Variants in GPHN observed in about 807,000 individuals in gnomAD.
The protein encoded by GPHN is gephyrin.
Under a neutral mutation model 95.5 loss-of-function variants are expected in GPHN, and 17 were observed. That is an observed-to-expected ratio of 0.18 (90% CI 0.12 to 0.27). The LOEUF (loss-of-function observed/expected upper bound fraction) is 0.27. Ranked by LOEUF, GPHN falls within the 10% of genes least tolerant of loss-of-function variation. The probability of loss-of-function intolerance (pLI) is 1.00; values close to 1 mark genes in which losing one functional copy is unlikely to be tolerated. For synonymous variants in GPHN, 320 were observed against 322.5 expected (o/e 0.99, Z 0.08); for missense variants, 660 against 978.1 (o/e 0.67, Z 4.34).
the GPHN span, among the ~76,000 whole-genome samples, chr14:67,502,545 G>A: frequency 6.2e-5 from 9 of 145,888 alleles, no homozygotes; most frequent in Middle Eastern, 4.4e-3. Flanking sequence ...CTCCGCCTCC[G>A]AGATTCAAGC....
intron 16 of GPHN, among the ~76,000 whole-genome samples, chr14:67,113,396 T>C (rs1465722435): frequency 6.6e-6 from 1 of 152,254 alleles, no homozygotes; most frequent in Non-Finnish European, 1.5e-5. Context: ...AATGTTCTCT[T>C]CTATTAGAAT....
At chr14:67,292,615 G>C in the GPHN span, 2 of 1,613,454 alleles carry the variant, frequency 1.2e-6, no homozygotes, top group Non-Finnish European at 1.7e-6. Context: ...TCAAAATAAG[G>C]ATTTCCAGAA....
At chr14:67,183,526 A>G (rs939672907), downstream of GPHN, among the ~76,000 whole-genome samples, 2 of 152,094 alleles carry the variant, frequency 1.3e-5, no homozygotes, top group African/African-American at 4.8e-5. Flanking sequence ...AAGTTTAGCA[A>G]TCTGACTCTA....
At chr14:67,252,692 A>AC in the GPHN span, among the ~76,000 whole-genome samples, 1 of 152,204 alleles carries the variant, frequency 6.6e-6, no homozygotes, top group Non-Finnish European at 1.5e-5. Context: ...GAAAAGACCC[A>AC]CACATTTGAT....
At chr14:67,733,252 G>T in the GPHN span, among the ~76,000 whole-genome samples, 1 of 152,256 alleles carries the variant, frequency 6.6e-6, no homozygotes, top group South Asian at 2.1e-4. Context: ...TGGGGTTCAT[G>T]GTATGCAAGT....
In GPHN at chr14:67,165,242, T is replaced by C. The variant is rs2082206714; in HGVS notation, c.1975+16T>C. ...GCACTACCTGGTAAGAATAACAAATTGTTTCCTTTCCTTTTTCTGGAAAAA... is the reference window on the plus strand; with the variant it reads ...GCACTACCTGGTAAGAATAACAAATCGTTTCCTTTCCTTTTTCTGGAAAAA... On this transcript the variant is annotated intron_variant, in intron 20 of 22. Transcript: ENST00000478722. The C allele has an allele frequency of 1.9e-6, 3 of 1,566,784 alleles. No homozygotes were observed. Among genetic ancestry groups the C allele is most frequent in the East Asian group, 2.2e-5 (1 of 44,572 alleles).
chr14:66,594,091 A>T (rs1352333152), intron 1 of GPHN, among the ~76,000 whole-genome samples: 1 of 152,182 alleles, frequency 6.6e-6, no homozygotes, highest in East Asian at 1.9e-4. Context: ...AAAATAAATT[A>T]GGTATAAATT....
At chr14:67,361,410 A>T in the GPHN span, among the ~76,000 whole-genome samples, 3 of 152,316 alleles carry the variant, frequency 2.0e-5, no homozygotes, top group Non-Finnish European at 4.4e-5. Context: ...GTTTGTAGAG[A>T]TTCGGTGATA....
chr14:67,284,415 T>A, the GPHN span, among the ~76,000 whole-genome samples: 1 of 111,194 alleles, frequency 9.0e-6, no homozygotes, highest in African/African-American at 5.1e-5. Flanking sequence ...TTGGGCAACA[T>A]AGACCCTATC....
Position 66,598,203 on chromosome 14 carries a change from T to G in GPHN, c.65-82904T>G, listed in dbSNP as rs181219440. 2.6e-5 allele frequency among the ~76,000 whole-genome samples: 4 copies of G among 152,304 alleles called. No individual in the cohort carries two copies. In the East Asian group the frequency reaches 5.8e-4, roughly 22 times the overall value. ...GTGGAGGAATAAATTCAAAGACTTG[T>G]AAATCATGGTGACTGCAGTTAATAA... On this transcript the variant is annotated intron_variant, in intron 1 of 22. Transcript: ENST00000478722.
chr14:67,563,594 C>T, the GPHN span, among the ~76,000 whole-genome samples: 4 of 151,800 alleles, frequency 2.6e-5, no homozygotes, highest in Non-Finnish European at 4.4e-5. Context: ...CCACCACGCC[C>T]AGCTAATTTT....
At chr14:67,169,113 A>G (rs752537615) in intron 21 of GPHN, 77 bp downstream of exon 21, 2 of 867,218 alleles carry the variant, frequency 2.3e-6, no homozygotes, top group Admixed American at 1.7e-5. Context: ...ACTGTCCAAA[A>G]TAAACATCTA....
At chr14:67,571,456 T>C in the GPHN span, 1 of 332,026 alleles carries the variant, frequency 3.0e-6, no homozygotes, top group Non-Finnish European at 5.7e-6. Flanking sequence ...GTGGTGTAGC[T>C]TTCTGGCCCC....
chr14:67,187,714 A>C, the GPHN span, among the ~76,000 whole-genome samples: 1 of 152,076 alleles, frequency 6.6e-6, no homozygotes, highest in Admixed American at 6.6e-5. Flanking sequence ...ACACCAGACC[A>C]TTTGTAGTTA....
chr14:67,662,992 G>A, the GPHN span: 115 of 1,385,028 alleles, frequency 8.3e-5, 1 homozygote, highest in South Asian at 1.8e-3. Flanking sequence ...ATGTTAACTC[G>A]TACACTACTT....
the GPHN span, among the ~76,000 whole-genome samples, chr14:67,219,603 T>C: frequency 6.6e-6 from 1 of 152,186 alleles, no homozygotes; most frequent in Non-Finnish European, 1.5e-5. Flanking sequence ...TTTGTTAGGA[T>C]GAAAAAGGCT....
At chr14:67,585,498 C>A in the GPHN span, 1 of 1,072,730 alleles carries the variant, frequency 9.3e-7, no homozygotes, top group Non-Finnish European at 1.4e-6. Context: ...TGCCTTCTTT[C>A]TCAGAAAGTT....
intron 3 of GPHN, among the ~76,000 whole-genome samples, chr14:66,780,241 A>C (rs2059556961): frequency 6.6e-6 from 1 of 152,176 alleles, no homozygotes; most frequent in South Asian, 2.1e-4. Context: ...CCAAATATCC[A>C]ATAAGTCATT....
the GPHN span, among the ~76,000 whole-genome samples, chr14:67,425,387 C>CA: frequency 6.6e-6 from 1 of 152,090 alleles, no homozygotes; most frequent in Non-Finnish European, 1.5e-5. Flanking sequence ...TCCATCTCTA[C>CA]AAAAAATTAG....
Sources: allele counts gnomAD v4.1 joint callset (sites outside exome capture counted in the v4.1 genomes callset), GRCh38; gene constraint gnomAD v4.1.1; transcripts MANE v1.5; gene names NCBI Gene and HGNC (gene_info 2026-07-23, HGNC 2026-07-21).